PCDHGA2: variants seen among roughly 807,000 people sequenced by gnomAD.
PCDHGA2 encodes the protein protocadherin gamma-A2.
A neutral mutation model predicts 59.2 loss-of-function variants in PCDHGA2; 40 were observed. The observed-to-expected ratio is 0.68, with a 90% confidence interval of 0.52 to 0.88. PCDHGA2 has a LOEUF of 0.88. PCDHGA2 is among the 40% of genes least tolerant of loss of function. PCDHGA2 has a pLI of 0.00. For missense variants in PCDHGA2, 1,226 were observed against 1,204.0 expected (o/e 1.02, Z -0.27); for synonymous variants, 560 against 526.0 (o/e 1.06, Z -0.89).
At chr5:141,400,217 T>A (rs771117256) in intron 1 of PCDHGA2, 1 of 1,613,916 alleles carries the variant, frequency 6.2e-7, no homozygotes, top group Non-Finnish European at 8.5e-7. Flanking sequence ...TTGATCTCAG[T>A]GCTCTTCCTC....
intron 1 of PCDHGA2, chr5:141,410,284 G>A (rs2095374455): frequency 1.2e-6 from 2 of 1,613,990 alleles, no homozygotes; most frequent in Non-Finnish European, 1.7e-6. Flanking sequence ...ACCTGGTGGT[G>A]GCCTTGGCCT....
In PCDHGA2 at chr5:141,365,803, G is replaced by A. The variant is rs138451800; in HGVS notation, c.2424+24408G>A. On this transcript the variant is annotated intron_variant, in intron 1 of 3. Coordinates refer to ENST00000394576, the MANE Select transcript of PCDHGA2 (RefSeq NM_018915.4). ...ACAACGCTCGAGTCACCTACTCCCT[G>A]GCTGAAGACACATTTCAGGGGGCGC... 8,384 of 1,613,862 alleles carry A rather than the reference G, an allele frequency of 5.2e-3. 46 individuals are homozygous for A. Among genetic ancestry groups the A allele is most frequent in the Admixed American group, 9.4e-3 (566 of 60,014 alleles).
At chr5:141,502,480 AC>A (rs145333712) in intron 2 of PCDHGA2, among the ~76,000 whole-genome samples, 7,822 of 152,242 alleles carry the variant, frequency 0.051, 439 homozygotes, top group African/African-American at 0.14. Flanking sequence ...GCAGCATCAC[AC>A]TGGGACTCAT....
chr5:141,491,964 C>T lies in PCDHGA2; in HGVS notation c.2425-2843C>T, dbSNP rs1382490003. 2.1e-6 allele frequency: 2 copies of T among 943,836 alleles called. No individual in the cohort carries two copies. The highest frequency in any genetic ancestry group is 3.0e-6 in the Non-Finnish European group (2 of 671,104). 58.5% of individuals were successfully genotyped at this position (943,836 alleles called of 1,614,324 possible). On this transcript the variant is annotated intron_variant, in intron 1 of 3. Transcript: ENST00000394576. The surrounding 1 kb of genome is among the most constrained non-coding windows in gnomAD (Gnocchi z 6.9). ...CCCCACCCCTACACTCAAAAAAGGC[C>T]GGGGCCTCCTTCGAGCTTCCGGTGA...
At chr5:141,429,387 T>A (rs372199649) in intron 1 of PCDHGA2, among the ~76,000 whole-genome samples, 4,783 of 151,430 alleles carry the variant, frequency 0.032, 106 homozygotes, top group African/African-American at 0.043. Context: ...GTTTTTTTTT[T>A]AAAAAAAATT....
intron 1 of PCDHGA2, among the ~76,000 whole-genome samples, chr5:141,448,809 A>G (rs998129053): frequency 9.2e-5 from 14 of 151,812 alleles, no homozygotes; most frequent in Non-Finnish European, 1.8e-4. Flanking sequence ...GCCAGGCGTG[A>G]TGGCGGGCGC....
intron 1 of PCDHGA2, among the ~76,000 whole-genome samples, chr5:141,492,964 C>CT (rs2099745347): frequency 6.6e-6 from 1 of 152,354 alleles, no homozygotes; most frequent in Non-Finnish European, 1.5e-5. Context: ...ATCTGACACT[C>CT]TAACAAGTCC....
intron 1 of PCDHGA2, chr5:141,411,432 AC>A (rs1483186233): frequency 6.6e-6 from 1 of 151,012 alleles, no homozygotes; most frequent in African/African-American, 2.4e-5. Context: ...ACAAAAAAAA[AC>A]ATTAGCAGAG....
intron 1 of PCDHGA2, chr5:141,395,102 G>C: frequency 6.2e-7 from 1 of 1,614,172 alleles, no homozygotes; most frequent in Non-Finnish European, 8.5e-7. Flanking sequence ...CCGCCGACTC[G>C]CGGAAGAGTC....
At chr5:141,442,837 A>G (rs2098346617) in intron 1 of PCDHGA2, among the ~76,000 whole-genome samples, 1 of 152,202 alleles carries the variant, frequency 6.6e-6, no homozygotes, top group Admixed American at 6.5e-5. Flanking sequence ...GGGAGGGACA[A>G]ATCTTGGCCA....
At chr5:141,500,840 C>T (rs1394248251) in intron 2 of PCDHGA2, among the ~76,000 whole-genome samples, 1 of 151,966 alleles carries the variant, frequency 6.6e-6, no homozygotes, top group Non-Finnish European at 1.5e-5. Flanking sequence ...TGCTAATGGG[C>T]TTTTGCTACA....
At position 141,485,568 on chromosome 5, in the gene PCDHGA2, G is replaced by T. The variant is rs1020556289; in HGVS notation, c.2425-9239G>T. 6.2e-7 allele frequency: 1 copy of T among 1,612,758 alleles called. No homozygotes were observed. Among genetic ancestry groups the T allele is most frequent in the Non-Finnish European group, 8.5e-7 (1 of 1,178,924 alleles). On this transcript the variant is annotated intron_variant, in intron 1 of 3. Coordinates refer to ENST00000394576, the MANE Select transcript of PCDHGA2 (RefSeq NM_018915.4). The surrounding 1 kb of genome is among the most constrained non-coding windows in gnomAD (Gnocchi z 5.7). Reference sequence around the variant, plus strand: ...GTAGATGTGAATGATCACGCCCCCCGTTTTCCGCGGCAGCAGCTGGACTTG... The same window carrying T: ...GTAGATGTGAATGATCACGCCCCCCTTTTTCCGCGGCAGCAGCTGGACTTG...
chr5:141,478,302 C>T lies in PCDHGA2; in HGVS notation c.2425-16505C>T. On this transcript the variant is annotated intron_variant, in intron 1 of 3. Transcript: ENST00000394576. ...AAGCAGTCTAGAGACCTATACCGAG[C>T]CCCGGTGAGCTCACTGTACCGAACA... 4 of 1,614,070 alleles carry T rather than the reference C, an allele frequency of 2.5e-6. No individual in the cohort carries two copies. Among genetic ancestry groups the T allele is most frequent in the Non-Finnish European group, 3.4e-6 (4 of 1,180,038 alleles).
Position 141,366,924 on chromosome 5 carries a change from G to C in PCDHGA2, c.2424+25529G>C, listed in dbSNP as rs1764867617. On this transcript the variant is annotated intron_variant, in intron 1 of 3. Coordinates refer to ENST00000394576, the MANE Select transcript of PCDHGA2 (RefSeq NM_018915.4). ...CTTTCTCCATTTGTTTTCAAATTCT[G>C]TTTTGGGAAGTCTAGCTGATATCTG... is the stretch of plus-strand genomic sequence containing the variant. 5 of 997,638 alleles carry C rather than the reference G, an allele frequency of 5.0e-6. No homozygotes were observed. In the East Asian group the frequency reaches 1.3e-4, roughly 27 times the overall value. 61.8% of individuals were successfully genotyped at this position (997,638 alleles called of 1,614,324 possible).
chr5:141,479,860 C>T (rs1374284598), intron 1 of PCDHGA2, among the ~76,000 whole-genome samples: 2 of 152,108 alleles, frequency 1.3e-5, no homozygotes, highest in Admixed American at 6.5e-5. Context: ...AAGGCCTTTG[C>T]CCTGGAGAGA....
chr5:141,355,035 T>C, intron 1 of PCDHGA2: 1 of 1,012,274 alleles, frequency 9.9e-7, no homozygotes, highest in Non-Finnish European at 1.4e-6. Flanking sequence ...TCACAAGATT[T>C]CTGCAGCACA....
rs996556361 is a variant in PCDHGA2, at chr5:141,511,290, A to G, written c.*117A>G. 1.3e-6 allele frequency: 2 copies of G among 1,516,984 alleles called. No homozygotes were observed. The highest frequency in any genetic ancestry group is 1.8e-6 in the Non-Finnish European group (2 of 1,129,124). The allele number at this position is 1,516,984 out of a possible 1,614,324, so 94.0% of individuals were successfully genotyped here. ...AACCCCCAGAATACTGGTAGGGGCC[A>G]AGGCCATGCTCCCCTTGGGAAACAG... is the stretch of plus-strand genomic sequence containing the variant. On this transcript the variant is annotated 3_prime_UTR_variant, in exon 4 of 4. Coordinates refer to ENST00000394576, the MANE Select transcript of PCDHGA2 (RefSeq NM_018915.4).
At chr5:141,450,006 C>CTTTTTT (rs1554136305) in intron 1 of PCDHGA2, among the ~76,000 whole-genome samples, 15 of 132,950 alleles carry the variant, frequency 1.1e-4, no homozygotes, top group African/African-American at 2.0e-4. Context: ...TGCCATGTCT[C>CTTTTTT]TTTTTTTTTT....
rs749007839 is a variant in PCDHGA2 at position 141,418,069 on chromosome 5, G to A, written c.2424+76674G>A. On this transcript the variant is annotated intron_variant, in intron 1 of 3. Coordinates refer to ENST00000394576, the MANE Select transcript of PCDHGA2 (RefSeq NM_018915.4). ...CGGCTCGCGAGCTGCGAGTGAGCGC[G>A]GAGAAGCTGCACTTCAGCGTAGACG... 1.7e-5 allele frequency: 28 copies of A among 1,613,926 alleles called. 1 individual carries two copies. The Middle Eastern group carries it at 9.9e-4, about 57-fold the overall frequency.
Sources: gnomAD v4.1 joint callset for allele counts (sites outside exome capture counted in the v4.1 genomes callset) on GRCh38, gnomAD v4.1.1 for gene constraint, Gnocchi (gnomAD v3.1) non-coding constraint, MANE v1.5 for transcripts, NCBI Gene and HGNC (gene_info 2026-07-23, HGNC 2026-07-21) for gene names.